Variants in LRRIQ3 observed in about 807,000 individuals in gnomAD.
LRRIQ3 encodes leucine rich repeats and IQ motif containing 3, also known as leucine-rich repeat and IQ domain-containing protein 3.
LRRIQ3 carries 75 observed loss-of-function variants against 59.3 expected under a neutral mutation model. The observed-to-expected ratio is 1.26, with a 90% CI of 1.05 to 1.53. LRRIQ3 has a LOEUF of 1.53. Ranked by LOEUF, LRRIQ3 falls within the 40% of genes most tolerant of loss-of-function variation. The probability of loss-of-function intolerance (pLI) is 0.00; values close to 1 mark genes in which losing one functional copy is unlikely to be tolerated. For missense variants in LRRIQ3, 831 were observed against 710.0 expected (o/e 1.17, Z -1.94); for synonymous variants, 250 against 231.3 (o/e 1.08, Z -0.73).
intron 5 of LRRIQ3, among the ~76,000 whole-genome samples, chr1:74,093,958 CTTAAAACATAGTCTTTTTT>C (rs1174397444): frequency 6.6e-6 from 1 of 152,034 alleles, no homozygotes; most frequent in East Asian, 1.9e-4. Flanking sequence ...GACTGACTGG[CTTAAAACATAGTCTTTTTT>C]TTCTCACAGG....
intron 1 of LRRIQ3, among the ~76,000 whole-genome samples, chr1:74,195,177 G>A (rs999018036): frequency 2.6e-5 from 4 of 152,194 alleles, no homozygotes; most frequent in East Asian, 1.9e-4. Flanking sequence ...TAAATAAATC[G>A]AAATAAAACA....
At chr1:74,119,209 A>G (rs982666219) in intron 4 of LRRIQ3, among the ~76,000 whole-genome samples, 2 of 152,152 alleles carry the variant, frequency 1.3e-5, no homozygotes, top group Admixed American at 6.6e-5. Context: ...AAATCCTTAT[A>G]AGAACTATTA....
intron 5 of LRRIQ3, among the ~76,000 whole-genome samples, chr1:74,084,961 T>C (rs1268035407): frequency 6.6e-6 from 1 of 151,716 alleles, no homozygotes; most frequent in Non-Finnish European, 1.5e-5. Context: ...CAAGTTCTAC[T>C]ATAACAGGAC....
intron 4 of LRRIQ3, among the ~76,000 whole-genome samples, chr1:74,150,738 T>C (rs10493530): frequency 0.53 from 80,723 of 151,770 alleles, 21,888 homozygotes; most frequent in East Asian, 0.82. Context: ...TTTCTAAAAC[T>C]TTCACTCACT....
chr1:74,031,923 T>C (rs1044490851), intron 7 of LRRIQ3, among the ~76,000 whole-genome samples: 5 of 151,950 alleles, frequency 3.3e-5, no homozygotes, highest in Non-Finnish European at 5.9e-5. Context: ...ATAAATGTAA[T>C]AAAAGATAGG....
Position 74,107,410 on chromosome 1 carries a change from T to C in LRRIQ3, c.867+1984A>G, listed in dbSNP as rs181774840. Among the ~76,000 whole-genome samples the C allele has an allele frequency of 2.0e-5, 3 of 152,002 alleles. No individual in the cohort carries two copies. The East Asian group carries it at 5.8e-4, about 30-fold the overall frequency. On this transcript the variant is annotated intron_variant, in intron 5 of 7. Transcript: ENST00000354431. ...CTCCTTAACCCTTTCACTGTTCCTT[T>C]AGATTTATCAATTATCACTATAGTT...
At chr1:74,088,088 A>G (rs1042794077) in intron 5 of LRRIQ3, among the ~76,000 whole-genome samples, 26 of 152,144 alleles carry the variant, frequency 1.7e-4, no homozygotes, top group African/African-American at 5.3e-4. Flanking sequence ...GTGAGACTCC[A>G]TCAAACAAAC....
intron 6 of LRRIQ3, among the ~76,000 whole-genome samples, chr1:74,071,854 G>A (rs986572113): frequency 3.3e-5 from 5 of 152,042 alleles, no homozygotes; most frequent in African/African-American, 1.2e-4. Context: ...AATAGCATGG[G>A]TCCCTTTCAT....
chr1:74,103,785 C>A (rs1011026444), intron 5 of LRRIQ3, among the ~76,000 whole-genome samples: 1 of 148,658 alleles, frequency 6.7e-6, no homozygotes, highest in Non-Finnish European at 1.5e-5. Flanking sequence ...TCCCTCTGTC[C>A]TTCCCCCCCC....
intron 3 of LRRIQ3, among the ~76,000 whole-genome samples, chr1:74,173,968 C>T (rs889568905): frequency 6.6e-6 from 1 of 152,000 alleles, no homozygotes; most frequent in Non-Finnish European, 1.5e-5. Flanking sequence ...TCTTCCAGCC[C>T]ACAAGGTTTC....
chr1:74,157,578 A>G (rs1159606017), intron 3 of LRRIQ3, among the ~76,000 whole-genome samples: 1 of 151,436 alleles, frequency 6.6e-6, no homozygotes, highest in Non-Finnish European at 1.5e-5. Context: ...TCTATCTCTC[A>G]TTCCACTGGC....
chr1:74,055,126 C>CATAT (rs1654487377), intron 6 of LRRIQ3, among the ~76,000 whole-genome samples: 1 of 147,618 alleles, frequency 6.8e-6, no homozygotes, highest in African/African-American at 2.5e-5. Context: ...GACATGTATG[C>CATAT]ACATACATAC....
chr1:74,123,824 A>C (rs1237509359), intron 4 of LRRIQ3, among the ~76,000 whole-genome samples: 1 of 152,014 alleles, frequency 6.6e-6, no homozygotes, highest in African/African-American at 2.4e-5. Context: ...GTATGTCCTT[A>C]GCAGTGGGAA....
chr1:74,053,905 T>C (rs1339722859), intron 6 of LRRIQ3, among the ~76,000 whole-genome samples: 1 of 152,132 alleles, frequency 6.6e-6, no homozygotes, highest in Non-Finnish European at 1.5e-5. Flanking sequence ...GGACCTCTCA[T>C]TCATTGCTGG....
At chr1:74,098,495 C>T (rs112433007) in intron 5 of LRRIQ3, among the ~76,000 whole-genome samples, 3,749 of 152,092 alleles carry the variant, frequency 0.025, 144 homozygotes, top group African/African-American at 0.085. Context: ...GGCAGATCAA[C>T]GAGACAGAAA....
At chr1:74,094,063 G>A (rs1646422607) in intron 5 of LRRIQ3, among the ~76,000 whole-genome samples, 1 of 152,004 alleles carries the variant, frequency 6.6e-6, no homozygotes, top group South Asian at 2.1e-4. Context: ...GCTTGCCGAT[G>A]ACAACCTTCT....
intron 5 of LRRIQ3, among the ~76,000 whole-genome samples, chr1:74,100,149 T>G (rs1191794576): frequency 6.6e-6 from 1 of 152,152 alleles, no homozygotes; most frequent in Non-Finnish European, 1.5e-5. Context: ...ACTGTATATC[T>G]AGAAAACCCC....
intron 2 of LRRIQ3, 117 bp from the exon 3 acceptor site, chr1:74,182,978 T>A: frequency 3.5e-6 from 2 of 566,130 alleles, no homozygotes; most frequent in Non-Finnish European, 5.8e-6. Context: ...AGTTTCTAAT[T>A]AATAAGCAAA....
chr1:74,090,548 A>G lies in LRRIQ3; in HGVS notation c.868-15758T>C, dbSNP rs140413474. ...AGAGACATCCATAACCAGGACTGGT[A>G]AAATATAAATTTGGACTAATTCTCA... is the stretch of plus-strand genomic sequence containing the variant. On this transcript the variant is annotated intron_variant, in intron 5 of 7. Coordinates refer to ENST00000354431, the MANE Select transcript of LRRIQ3 (RefSeq NM_001105659.2). 2.5e-3 allele frequency among the ~76,000 whole-genome samples: 385 copies of G among 152,156 alleles called. 2 individuals are homozygous for G. Among genetic ancestry groups the G allele is most frequent in the African/African-American group, 8.6e-3 (357 of 41,538 alleles).
Sources: gnomAD v4.1 joint callset for allele counts (sites outside exome capture counted in the v4.1 genomes callset) on GRCh38, gnomAD v4.1.1 for gene constraint, MANE v1.5 for transcripts, NCBI Gene and HGNC (gene_info 2026-07-23, HGNC 2026-07-21) for gene names.